Variants in NKD1 observed in about 807,000 individuals in gnomAD.
The protein encoded by NKD1 is protein naked cuticle homolog 1.
A neutral mutation model predicts 56.0 loss-of-function variants in NKD1; 21 were observed. The observed-to-expected ratio is 0.38, with a 90% CI of 0.27 to 0.54. The LOEUF (loss-of-function observed/expected upper bound fraction) is 0.54. NKD1 is among the 20% of genes least tolerant of loss of function. The pLI is 0.82. For missense variants in NKD1, 578 were observed against 642.7 expected, an observed-to-expected ratio of 0.90 and a Z score of 1.09; for synonymous variants, 263 against 265.7, an observed-to-expected ratio of 0.99 and a Z score of 0.10.
At chr16:50,614,121 G>T (rs1008497624) in intron 4 of NKD1, among the ~76,000 whole-genome samples, 16 of 152,298 alleles carry the variant, frequency 1.1e-4, no homozygotes, top group African/African-American at 3.6e-4. Flanking sequence ...AGGTGAAAAA[G>T]CTGGAAATCA....
Position 50,561,573 on chromosome 16 carries a change from G to T in NKD1, c.192+12018G>T, listed in dbSNP as rs1034824988. On this transcript the variant is annotated intron_variant, in intron 3 of 9. Transcript: ENST00000268459. ...GCTCCAAATAAGTGACATGTCTGGG[G>T]CTTCAGTTCTCTTCTAGTTGGCCTC... 2.0e-5 allele frequency among the ~76,000 whole-genome samples: 3 copies of T among 152,138 alleles called. No individual in the cohort carries two copies. The East Asian group carries it at 5.8e-4, about 29-fold the overall frequency.
intron 3 of NKD1, among the ~76,000 whole-genome samples, chr16:50,589,296 T>C (rs1475252549): frequency 6.6e-6 from 1 of 152,114 alleles, no homozygotes; most frequent in Non-Finnish European, 1.5e-5. Flanking sequence ...CGGAAATGAG[T>C]TTCCTCGCGC....
intron 3 of NKD1, among the ~76,000 whole-genome samples, chr16:50,569,686 G>A (rs1960839743): frequency 6.6e-6 from 1 of 152,166 alleles, no homozygotes; most frequent in African/African-American, 2.4e-5. Context: ...GTGTGCAGTA[G>A]GGTTGGTAAT....
intron 3 of NKD1, chr16:50,566,164 T>A (rs866313305): frequency 1.0e-6 from 1 of 985,432 alleles, no homozygotes; most frequent in Middle Eastern, 5.2e-4. Flanking sequence ...TGTGGATCCG[T>A]TGGGACCTTT....
At position 50,599,255 on chromosome 16, in the gene NKD1, C is replaced by T. The variant is rs373908170; in HGVS notation, c.193-9039C>T. 8.5e-4 allele frequency among the ~76,000 whole-genome samples: 130 copies of T among 152,216 alleles called. 4 individuals are homozygous for T. In the South Asian group the frequency reaches 0.024, roughly 28 times the overall value. ...GAGGTGACAGCTGTGACTTGGGACA[C>T]GCTATTTGAGCCAGGCCACTCACCA... On this transcript the variant is annotated intron_variant, in intron 3 of 9. Transcript: ENST00000268459.
chr16:50,577,197 A>G (rs1018982433), intron 3 of NKD1, among the ~76,000 whole-genome samples: 1 of 152,048 alleles, frequency 6.6e-6, no homozygotes, highest in African/African-American at 2.4e-5. Flanking sequence ...TGTGGCCCTC[A>G]CTTGTTGATG....
intron 4 of NKD1, among the ~76,000 whole-genome samples, chr16:50,609,398 G>C (rs1382154353): frequency 2.0e-5 from 3 of 152,214 alleles, no homozygotes; most frequent in Admixed American, 6.5e-5. Context: ...ATCACCAAAT[G>C]GGGGGCTGCC....
intron 4 of NKD1, among the ~76,000 whole-genome samples, chr16:50,611,372 T>TGCAGGGTCCCTGC (rs11267896): frequency 0.13 from 20,213 of 152,200 alleles, 3,685 homozygotes; most frequent in African/African-American, 0.41. Context: ...GCTCTGCAGC[T>TGCAGGGTCCCTGC]TCCCTAAAGG....
At chr16:50,625,197 C>T (rs2151279657) in intron 5 of NKD1, 2 of 462,214 alleles carry the variant, frequency 4.3e-6, no homozygotes, top group East Asian at 4.0e-5. Flanking sequence ...TCTGAGGCCA[C>T]AGTGCCTCTT....
Position 50,644,086 on chromosome 16 carries a change from G to T in NKD1, c.*10305G>T, listed in dbSNP as rs1962632056. On this transcript the variant is annotated 3_prime_UTR_variant, in exon 10 of 10. Transcript: ENST00000268459. Reference sequence around the variant, plus strand: ...GTTCGACCTCAGTTGAGAACATGTTGTCGGGCCACTCAGACTTTTCACTGC... The same window carrying T: ...GTTCGACCTCAGTTGAGAACATGTTTTCGGGCCACTCAGACTTTTCACTGC... 6.6e-6 allele frequency: 1 copy of T among 152,262 alleles called. No individual in the cohort carries two copies. 9.4% of individuals were successfully genotyped at this position (152,262 alleles called of 1,614,324 possible).
intron 4 of NKD1, among the ~76,000 whole-genome samples, chr16:50,609,862 C>T (rs1395771831): frequency 1.3e-5 from 2 of 152,210 alleles, no homozygotes; most frequent in East Asian, 3.9e-4. Context: ...TGTGTGCATA[C>T]AGTCTGGTAT....
intron 3 of NKD1, chr16:50,606,692 G>T: frequency 2.3e-6 from 1 of 433,198 alleles, no homozygotes; most frequent in South Asian, 1.6e-5. Flanking sequence ...TCTCATTGAT[G>T]CTGTCACCCG....
chr16:50,619,325 C>T (rs1962035080), intron 4 of NKD1, among the ~76,000 whole-genome samples: 1 of 152,092 alleles, frequency 6.6e-6, no homozygotes, highest in South Asian at 2.1e-4. Flanking sequence ...TCAGCTGGCA[C>T]ACATCCTTGG....
At chr16:50,606,759 A>C (rs1193956968) in intron 3 of NKD1, 2 of 455,462 alleles carry the variant, frequency 4.4e-6, no homozygotes, top group South Asian at 3.1e-5. Flanking sequence ...AGACCTCAGC[A>C]TGAAGAGGTG....
intron 6 of NKD1, among the ~76,000 whole-genome samples, chr16:50,629,535 T>C (rs2151280731): frequency 6.6e-6 from 1 of 152,330 alleles, no homozygotes; most frequent in Non-Finnish European, 1.5e-5. Flanking sequence ...TGGTGGATGG[T>C]GCCCACTGTA....
chr16:50,549,331 C>G (rs1159275470), intron 2 of NKD1, 91 bp from the exon 3 acceptor site: 13 of 1,498,586 alleles, frequency 8.7e-6, no homozygotes, highest in Non-Finnish European at 9.9e-6. Flanking sequence ...CGTGGTCCTT[C>G]GCCTCCCACC....
At chr16:50,550,762 A>C (rs1030356596) in intron 3 of NKD1, among the ~76,000 whole-genome samples, 1 of 152,044 alleles carries the variant, frequency 6.6e-6, no homozygotes, top group Non-Finnish European at 1.5e-5. Flanking sequence ...TGCCCTTTCT[A>C]GTTTTTGATC....
chr16:50,601,912 G>A (rs997415611), intron 3 of NKD1, among the ~76,000 whole-genome samples: 7 of 152,168 alleles, frequency 4.6e-5, no homozygotes, highest in African/African-American at 1.7e-4. Flanking sequence ...TCCTCTCCTG[G>A]GGAGGAGGAT....
At chr16:50,548,804 G>A in intron 2 of NKD1, 55 bp downstream of exon 2, 2 of 1,342,240 alleles carry the variant, frequency 1.5e-6, no homozygotes, top group Non-Finnish European at 1.9e-6. Flanking sequence ...CACCGCGGCC[G>A]CGGCAGAACG....
Sources: allele counts gnomAD v4.1 joint callset (sites outside exome capture counted in the v4.1 genomes callset), GRCh38; gene constraint gnomAD v4.1.1; transcripts MANE v1.5; gene names NCBI Gene and HGNC (gene_info 2026-07-23, HGNC 2026-07-21).